TEX11: variants seen among roughly 807,000 people sequenced by gnomAD.
The protein encoded by TEX11 is testis-expressed protein 11.
In TEX11, 7 loss-of-function variants were observed where a neutral mutation model predicts 84.4. The ratio of observed to expected loss-of-function variants is 0.08; its 90% CI spans 0.05 to 0.16. TEX11 has a LOEUF of 0.16. Among genes scored for constraint, TEX11 ranks in the 10% least tolerant of loss-of-function variants. TEX11 has a pLI of 1.00. For missense variants in TEX11, 551 were observed against 660.5 expected, an observed-to-expected ratio of 0.83 and a Z score of 1.82; for synonymous variants, 264 against 222.8, an observed-to-expected ratio of 1.18 and a Z score of -1.64.
At chrX:70,747,795 G>T (rs2090778912) in intron 9 of TEX11, among the ~76,000 whole-genome samples, 1 of 110,840 alleles carries the variant, frequency 9.0e-6, no homozygotes, top group Non-Finnish European at 1.9e-5. Flanking sequence ...AAGTTCTAGG[G>T]TACATGTGCA....
rs191982838 is a variant in TEX11 at position 70,715,410 on chromosome X, C to T, written c.1004+7208G>A. On this transcript the variant is annotated intron_variant, in intron 13 of 29. Transcript: ENST00000374333. ...TTTTCCAACTTGGTTCCATTCTCCC[C>T]GTCACTTTCAGGTACACCAATCAGA... Among the ~76,000 whole-genome samples the T allele has an allele frequency of 2.3e-3, 254 of 111,904 alleles. 1 individual carries two copies. The highest frequency in any genetic ancestry group is 0.022 in the East Asian group (79 of 3,589).
chrX:70,563,143 C>T (rs184855539), intron 25 of TEX11, among the ~76,000 whole-genome samples: 21 of 111,685 alleles, frequency 1.9e-4, no homozygotes, highest in African/African-American at 5.5e-4. Context: ...TTCGGATAGG[C>T]GAAATGCCCT....
chrX:70,868,033 A>C (rs1420288887), intron 4 of TEX11, among the ~76,000 whole-genome samples: 1 of 111,902 alleles, frequency 8.9e-6, no homozygotes, highest in African/African-American at 3.2e-5. Context: ...AATGGGATCT[A>C]ATTAAACTAA....
chrX:70,723,133 T>C (rs1238042432), intron 12 of TEX11, among the ~76,000 whole-genome samples: 1 of 111,885 alleles, frequency 8.9e-6, no homozygotes, highest in African/African-American at 3.2e-5. Context: ...TGAGATAATG[T>C]ATGGAAATTA....
At chrX:70,656,514 A>G (rs1181788632) in intron 16 of TEX11, among the ~76,000 whole-genome samples, 1 of 111,643 alleles carries the variant, frequency 9.0e-6, no homozygotes, top group East Asian at 2.8e-4. Context: ...CTCATGAAAA[A>G]CAACTGAGCA....
intron 25 of TEX11, among the ~76,000 whole-genome samples, chrX:70,584,981 G>A (rs1288675674): frequency 2.7e-5 from 3 of 111,785 alleles, no homozygotes; most frequent in Admixed American, 9.6e-5. Flanking sequence ...TCTCACTACC[G>A]CTATTCAACA....
chrX:70,662,096 C>T (rs2089934764), intron 16 of TEX11, among the ~76,000 whole-genome samples: 1 of 111,154 alleles, frequency 9.0e-6, no homozygotes, highest in Non-Finnish European at 1.9e-5. Context: ...AAACCCATGG[C>T]AAATAAGTAA....
intron 9 of TEX11, among the ~76,000 whole-genome samples, chrX:70,778,386 C>T (rs1479537073): frequency 1.8e-5 from 2 of 111,565 alleles, no homozygotes; most frequent in Non-Finnish European, 3.8e-5. Flanking sequence ...TGTTCCCCCA[C>T]AATTCCTATG....
intron 3 of TEX11, among the ~76,000 whole-genome samples, chrX:70,875,447 T>C (rs2091650803): frequency 9.1e-6 from 1 of 109,842 alleles, no homozygotes; most frequent in Non-Finnish European, 1.9e-5. Context: ...CCATTTAAAA[T>C]AGTGGTCATG....
chrX:70,593,839 G>A (rs1293845870), intron 24 of TEX11, among the ~76,000 whole-genome samples: 4 of 110,557 alleles, frequency 3.6e-5, no homozygotes, highest in Non-Finnish European at 7.6e-5. Context: ...AAATATGAGA[G>A]CAGAATGAAA....
intron 12 of TEX11, among the ~76,000 whole-genome samples, chrX:70,723,441 A>G (rs1265355013): frequency 8.9e-6 from 1 of 112,034 alleles, no homozygotes; most frequent in Non-Finnish European, 1.9e-5. Context: ...TAAGTGAAAA[A>G]TTAGAAAGCA....
chrX:70,653,105 CAT>C (rs1251709779), intron 16 of TEX11, among the ~76,000 whole-genome samples: 1 of 111,472 alleles, frequency 9.0e-6, no homozygotes, highest in Non-Finnish European at 1.9e-5. Flanking sequence ...TAGAAGATAA[CAT>C]AGGAGAAATT....
chrX:70,662,714 T>C (rs1422004000), intron 16 of TEX11, among the ~76,000 whole-genome samples: 1 of 111,259 alleles, frequency 9.0e-6, no homozygotes, highest in Non-Finnish European at 1.9e-5. Flanking sequence ...AATTCTAAAA[T>C]TGAGTGAAAG....
intron 17 of TEX11, among the ~76,000 whole-genome samples, chrX:70,646,019 T>C (rs902778331): frequency 1.8e-5 from 2 of 111,317 alleles, no homozygotes; most frequent in Non-Finnish European, 3.8e-5. Flanking sequence ...GAAGTCAAAA[T>C]AAACTACAAA....
At chrX:70,656,113 G>GTATATATATATATATA (rs774232604) in intron 16 of TEX11, among the ~76,000 whole-genome samples, 27 of 101,393 alleles carry the variant, frequency 2.7e-4, no homozygotes, top group African/African-American at 8.1e-4. Context: ...AGGTAGCTGT[G>GTATATATATATATATA]TATATATATA....
At chrX:70,655,731 G>A (rs1386510222) in intron 16 of TEX11, among the ~76,000 whole-genome samples, 3 of 110,866 alleles carry the variant, frequency 2.7e-5, no homozygotes, top group Non-Finnish European at 3.8e-5. Context: ...TAGCTTTATC[G>A]ACACCTTGAT....
At chrX:70,746,748 G>T (rs1476593408) in intron 9 of TEX11, among the ~76,000 whole-genome samples, 1 of 112,197 alleles carries the variant, frequency 8.9e-6, no homozygotes, top group East Asian at 2.8e-4. Flanking sequence ...CCATGATAAT[G>T]GTAGCAATAA....
At chrX:70,542,596 T>C (rs1014670688) in intron 28 of TEX11, among the ~76,000 whole-genome samples, 81 of 111,774 alleles carry the variant, frequency 7.2e-4, no homozygotes, top group African/African-American at 2.5e-3. Flanking sequence ...ATAATTGCTG[T>C]TGGAGGTTGT....
At chrX:70,885,901 A>AAG (rs1351344827) in intron 2 of TEX11, among the ~76,000 whole-genome samples, 6 of 108,494 alleles carry the variant, frequency 5.5e-5, no homozygotes, top group African/African-American at 1.4e-4. Flanking sequence ...AAAAAAAAAA[A>AAG]AAAGAAAAAG....
Sources: gnomAD v4.1 joint callset for allele counts (sites outside exome capture counted in the v4.1 genomes callset) on GRCh38, gnomAD v4.1.1 for gene constraint, MANE v1.5 for transcripts, NCBI Gene and HGNC (gene_info 2026-07-23, HGNC 2026-07-21) for gene names.